Variants in NINJ2 observed in about 807,000 individuals in gnomAD.
The protein encoded by NINJ2 is ninjurin 2.
Under a neutral mutation model 11.7 loss-of-function variants are expected in NINJ2, and 12 were observed. The observed-to-expected ratio is 1.02, with a 90% CI of 0.66 to 1.66. The LOEUF is 1.66. NINJ2 is among the 40% of genes most tolerant of loss of function. The pLI, the probability that NINJ2 is intolerant of heterozygous loss-of-function variation, is 0.00. For missense variants in NINJ2, 187 were observed against 181.8 expected, an observed-to-expected ratio of 1.03 and a Z score of -0.16; for synonymous variants, 93 against 76.8, an observed-to-expected ratio of 1.21 and a Z score of -1.10.
intron 1 of NINJ2, among the ~76,000 whole-genome samples, chr12:660,343 T>G (rs1051062254): frequency 2.7e-5 from 4 of 147,994 alleles, no homozygotes; most frequent in African/African-American, 5.0e-5. Context: ...TGTTATGCTT[T>G]CTTTCTTTTT....
At chr12:572,169 AGGGATGGGAAAGCC>A (rs1378094028) in intron 1 of NINJ2, among the ~76,000 whole-genome samples, 1 of 152,220 alleles carries the variant, frequency 6.6e-6, no homozygotes, top group Non-Finnish European at 1.5e-5. Context: ...GGAGTAATCT[AGGGATGGGAAAGCC>A]GGCTCTGAGC....
At chr12:598,982 G>A (rs1453261963) in intron 1 of NINJ2, among the ~76,000 whole-genome samples, 1 of 152,022 alleles carries the variant, frequency 6.6e-6, no homozygotes, top group Non-Finnish European at 1.5e-5. Flanking sequence ...TTACAGGCGT[G>A]AGTCACTGCG....
intron 1 of NINJ2, among the ~76,000 whole-genome samples, chr12:662,711 C>T (rs576864330): frequency 1.5e-4 from 23 of 152,324 alleles, no homozygotes; most frequent in Non-Finnish European, 2.8e-4. Flanking sequence ...ACCCTTTCCC[C>T]TCCAGCAGTG....
At chr12:604,928 G>A (rs904444493) in intron 1 of NINJ2, among the ~76,000 whole-genome samples, 2 of 152,246 alleles carry the variant, frequency 1.3e-5, no homozygotes, top group Non-Finnish European at 2.9e-5. Flanking sequence ...CCAGGAACTG[G>A]TTTAGGTCCA....
chr12:568,064 G>A (rs2120782136), intron 1 of NINJ2, among the ~76,000 whole-genome samples: 1 of 152,270 alleles, frequency 6.6e-6, no homozygotes, highest in East Asian at 1.9e-4. Context: ...TTTCTTGATA[G>A]TGTAATCTCA....
intron 1 of NINJ2, among the ~76,000 whole-genome samples, chr12:626,161 AAT>A (rs1409451054): frequency 1.3e-5 from 2 of 152,336 alleles, no homozygotes; most frequent in East Asian, 3.9e-4. Context: ...AGTTCTGGGT[AAT>A]GTTTTGACCT....
chr12:583,950 G>A (rs902226257), intron 1 of NINJ2, among the ~76,000 whole-genome samples: 4 of 152,056 alleles, frequency 2.6e-5, no homozygotes, highest in Admixed American at 2.0e-4. Flanking sequence ...ATCTGATAGG[G>A]TGCAGACTAA....
chr12:603,706 G>C (rs530993575), intron 1 of NINJ2, among the ~76,000 whole-genome samples: 1 of 151,906 alleles, frequency 6.6e-6, no homozygotes, highest in African/African-American at 2.4e-5. Context: ...TGTCACCCAG[G>C]CTGGAGTATA....
chr12:602,845 T>C (rs1302341914), intron 1 of NINJ2, among the ~76,000 whole-genome samples: 1 of 152,222 alleles, frequency 6.6e-6, no homozygotes, highest in Non-Finnish European at 1.5e-5. Flanking sequence ...TTTTGCTTTA[T>C]TTTTTGAGAC....
intron 1 of NINJ2, among the ~76,000 whole-genome samples, chr12:579,707 G>A (rs558937730): frequency 2.0e-5 from 3 of 152,114 alleles, no homozygotes; most frequent in African/African-American, 4.8e-5. Flanking sequence ...AATGTGCCCC[G>A]AGCCTCACTG....
At chr12:571,760 A>G (rs1156896302) in intron 1 of NINJ2, among the ~76,000 whole-genome samples, 1 of 152,188 alleles carries the variant, frequency 6.6e-6, no homozygotes, top group Non-Finnish European at 1.5e-5. Flanking sequence ...CATGTTTTTC[A>G]TTGTTTATCG....
intron 1 of NINJ2, among the ~76,000 whole-genome samples, chr12:574,338 TAATAAC>T (rs1214939191): frequency 6.6e-6 from 1 of 152,056 alleles, no homozygotes; most frequent in Non-Finnish European, 1.5e-5. Context: ...AAAATAATAA[TAATAAC>T]AATAATAAAT....
intron 1 of NINJ2, chr12:645,699 C>T (rs1937666101): frequency 6.6e-6 from 1 of 152,170 alleles, no homozygotes; most frequent in Non-Finnish European, 1.5e-5. Flanking sequence ...GACCAATTTC[C>T]CTTAGTCATG....
chr12:641,363 G>C (rs1241458592), intron 1 of NINJ2, among the ~76,000 whole-genome samples: 1 of 142,102 alleles, frequency 7.0e-6, no homozygotes, highest in African/African-American at 2.6e-5. Flanking sequence ...TGTCTACCTT[G>C]ATCTGCAGGT....
At chr12:652,756 T>C (rs1051822992) in intron 1 of NINJ2, among the ~76,000 whole-genome samples, 5 of 151,930 alleles carry the variant, frequency 3.3e-5, no homozygotes, top group Admixed American at 3.3e-4. Flanking sequence ...AAGACCAGCC[T>C]GGCCAATATA....
intron 1 of NINJ2, among the ~76,000 whole-genome samples, chr12:599,008 T>C (rs532551028): frequency 1.3e-5 from 2 of 151,896 alleles, no homozygotes; most frequent in African/African-American, 4.8e-5. Flanking sequence ...CCTACAATGC[T>C]TGTATTTTTG....
chr12:600,167 G>A (rs567633657), intron 1 of NINJ2, among the ~76,000 whole-genome samples: 7 of 152,204 alleles, frequency 4.6e-5, no homozygotes, highest in Non-Finnish European at 1.0e-4. Flanking sequence ...CCTTGCAGCT[G>A]AGTCCTTCTG....
chr12:646,886 C>T (rs1000603410), intron 1 of NINJ2, among the ~76,000 whole-genome samples: 8 of 152,216 alleles, frequency 5.3e-5, no homozygotes, highest in African/African-American at 1.7e-4. Context: ...ACAGGGAGTT[C>T]ACCTCTGGAG....
At position 621,637 on chromosome 12, in the gene NINJ2, T is replaced by C. The variant is rs554429657; in HGVS notation, c.33+41691A>G. 4.3e-4 allele frequency among the ~76,000 whole-genome samples: 63 copies of C among 146,384 alleles called. 1 individual carries two copies. Among genetic ancestry groups the C allele is most frequent in the East Asian group, 1.7e-3 (8 of 4,832 alleles). On this transcript the variant is annotated intron_variant, in intron 1 of 3. Transcript: ENST00000305108. ...ATCAAGACCATCCTGGCCAACATGG[T>C]GAAACCCCATCTCTACTAAAAATAC...
Sources: allele counts gnomAD v4.1 joint callset (sites outside exome capture counted in the v4.1 genomes callset), GRCh38; gene constraint gnomAD v4.1.1; transcripts MANE v1.5; gene names NCBI Gene and HGNC (gene_info 2026-07-23, HGNC 2026-07-21).